CLMP: variants seen among roughly 807,000 people sequenced by gnomAD.
CLMP encodes the protein CXADR-like membrane protein.
Under a neutral mutation model 45.2 loss-of-function variants are expected in CLMP, and 27 were observed. The ratio of observed to expected loss-of-function variants is 0.60; its 90% CI spans 0.44 to 0.82. CLMP has a LOEUF of 0.82. Among genes scored for constraint, CLMP ranks in the 40% least tolerant of loss-of-function variants. CLMP has a pLI of 0.00. For missense variants in CLMP, 403 were observed against 448.4 expected (o/e 0.90, Z 0.91); for synonymous variants, 167 against 171.4 (o/e 0.97, Z 0.20).
chr11:123,166,700 G>A (rs1861561764), intron 1 of CLMP, among the ~76,000 whole-genome samples: 2 of 152,214 alleles, frequency 1.3e-5, no homozygotes, highest in Non-Finnish European at 2.9e-5. Flanking sequence ...GGAGGAAATA[G>A]TTCAGGTTCT....
rs1483550954 is a variant in CLMP, at chr11:123,089,744, T to C, written c.187-5031A>G. 2.0e-4 allele frequency among the ~76,000 whole-genome samples: 26 copies of C among 131,630 alleles called. 1 individual carries two copies. In the Admixed American group the frequency reaches 2.2e-3, roughly 11 times the overall value. 86.4% of individuals were successfully genotyped at this position (131,630 alleles called of 152,430 possible). On this transcript the variant is annotated intron_variant, in intron 2 of 6. Transcript: ENST00000448775. The stretch of plus-strand genomic sequence containing the variant: ...GTGAGCCAAGATCGCACCACTGCAC[T>C]CCAGCCTGGGCGACAGAGCGAGTCT...
At chr11:123,116,912 A>G (rs992079849) in intron 1 of CLMP, among the ~76,000 whole-genome samples, 1 of 152,196 alleles carries the variant, frequency 6.6e-6, no homozygotes, top group Non-Finnish European at 1.5e-5. Flanking sequence ...ATATATTATC[A>G]GGGTGGCATG....
intron 1 of CLMP, among the ~76,000 whole-genome samples, chr11:123,146,805 C>T (rs1438975847): frequency 1.3e-5 from 2 of 152,170 alleles, no homozygotes; most frequent in Non-Finnish European, 1.5e-5. Context: ...TCCTCAAAGA[C>T]CAGTATAACC....
At chr11:123,079,704 C>T (rs1865779288) in intron 5 of CLMP, among the ~76,000 whole-genome samples, 1 of 152,224 alleles carries the variant, frequency 6.6e-6, no homozygotes, top group South Asian at 2.1e-4. Flanking sequence ...CTCGACCTCC[C>T]AAAGTGCTGG....
chr11:123,096,712 G>A (rs1005530046), intron 2 of CLMP, among the ~76,000 whole-genome samples: 3 of 152,152 alleles, frequency 2.0e-5, no homozygotes, highest in Non-Finnish European at 4.4e-5. Context: ...TCTGTTTTCA[G>A]TGAAAACCTT....
At chr11:123,175,198 G>T (rs1187504001) in intron 1 of CLMP, among the ~76,000 whole-genome samples, 1 of 151,964 alleles carries the variant, frequency 6.6e-6, no homozygotes, top group Non-Finnish European at 1.5e-5. Context: ...CTGAGACTGG[G>T]TAATTTATAA....
At chr11:123,084,320 T>C (rs1164288373) in intron 3 of CLMP, among the ~76,000 whole-genome samples, 192 bp downstream of exon 3, 4 of 152,208 alleles carry the variant, frequency 2.6e-5, no homozygotes, top group African/African-American at 9.6e-5. Flanking sequence ...ATTGCTCTTA[T>C]ATTTTCATTT....
chr11:123,157,443 C>G (rs1049224766), intron 1 of CLMP, among the ~76,000 whole-genome samples: 4 of 152,312 alleles, frequency 2.6e-5, no homozygotes, highest in African/African-American at 9.6e-5. Context: ...AATCCAGCTA[C>G]TCCAGAGGCT....
intron 1 of CLMP, among the ~76,000 whole-genome samples, chr11:123,164,450 C>T (rs1052548743): frequency 3.9e-5 from 6 of 152,098 alleles, no homozygotes; most frequent in Non-Finnish European, 8.8e-5. Flanking sequence ...ATTACAGGCA[C>T]GTGCCACCAC....
chr11:123,173,284 C>G lies in CLMP; in HGVS notation c.28+21629G>C, dbSNP rs529292920. Among the ~76,000 whole-genome samples the G allele has an allele frequency of 2.0e-4, 30 of 152,298 alleles. No homozygotes were observed. In the East Asian group the frequency reaches 4.4e-3, roughly 23 times the overall value. On this transcript the variant is annotated intron_variant, in intron 1 of 6. Coordinates refer to ENST00000448775, the MANE Select transcript of CLMP (RefSeq NM_024769.5). ...ATATGAGACTGTTTTATGGCTGGAG[C>G]CAGCACATAGCCTGGGTTTTCTTGG...
chr11:123,102,849 G>A (rs1169744669), intron 1 of CLMP, among the ~76,000 whole-genome samples: 4 of 151,024 alleles, frequency 2.6e-5, no homozygotes, highest in Non-Finnish European at 4.4e-5. Context: ...GAGCTACCAC[G>A]CCCAGCCTCC....
At chr11:123,190,419 A>G (rs550350552) in intron 1 of CLMP, among the ~76,000 whole-genome samples, 1 of 152,330 alleles carries the variant, frequency 6.6e-6, no homozygotes, top group East Asian at 1.9e-4. Context: ...AGAATTAAAA[A>G]AAATTCAGAG....
intron 1 of CLMP, among the ~76,000 whole-genome samples, chr11:123,171,399 T>C (rs1432495301): frequency 6.6e-6 from 1 of 151,750 alleles, no homozygotes; most frequent in Admixed American, 6.6e-5. Context: ...AGGGAGGGTA[T>C]TTGGGAGACT....
intron 1 of CLMP, among the ~76,000 whole-genome samples, chr11:123,115,137 G>A (rs1860703370): frequency 1.3e-5 from 2 of 152,080 alleles, no homozygotes; most frequent in African/African-American, 4.8e-5. Context: ...AATCTCCTAG[G>A]CTCAAGCGAT....
rs576219354 is a variant in CLMP at position 123,148,993 on chromosome 11, C to G, written c.28+45920G>C. On this transcript the variant is annotated intron_variant, in intron 1 of 6. Transcript: ENST00000448775. ...AGCATTCACTCATTGCTTCTCAAGA[C>G]AGGAATTAGAATCTGTTTTCTGTTT... Among the ~76,000 whole-genome samples, 181 of 152,240 alleles carry G rather than the reference C, an allele frequency of 1.2e-3. 1 individual carries two copies. The highest frequency in any genetic ancestry group is 4.1e-3 in the African/African-American group (169 of 41,550).
chr11:123,118,420 C>A (rs1375752201), intron 1 of CLMP, among the ~76,000 whole-genome samples: 1 of 152,182 alleles, frequency 6.6e-6, no homozygotes. Flanking sequence ...CAGGCATAAG[C>A]CACCAAGCCC....
chr11:123,136,504 A>G (rs1861073624), intron 1 of CLMP: 4 of 272,004 alleles, frequency 1.5e-5, no homozygotes, highest in South Asian at 9.5e-5. Context: ...ATGGAAGTCT[A>G]TGGTCTCTCC....
intron 1 of CLMP, among the ~76,000 whole-genome samples, chr11:123,185,639 C>G (rs971725405): frequency 2.0e-5 from 3 of 152,204 alleles, no homozygotes; most frequent in African/African-American, 7.2e-5. Context: ...GGTAGAGCTC[C>G]CCCAGGGGAA....
intron 1 of CLMP, among the ~76,000 whole-genome samples, chr11:123,150,535 A>AGG (rs1308238390): frequency 4.1e-5 from 4 of 97,390 alleles, no homozygotes; most frequent in East Asian, 3.5e-4. Context: ...AAGGAAAGAA[A>AGG]CAAGCAAGGA....
Sources: allele counts gnomAD v4.1 joint callset (sites outside exome capture counted in the v4.1 genomes callset), GRCh38; gene constraint gnomAD v4.1.1; transcripts MANE v1.5; gene names NCBI Gene and HGNC (gene_info 2026-07-23, HGNC 2026-07-21).